The following EPHA3 variants were observed in gnomAD, a reference collection of about 807,000 sequenced individuals.
The protein encoded by EPHA3 is ephrin type-A receptor 3.
In EPHA3, 42 loss-of-function variants were observed where a neutral mutation model predicts 107.1. The ratio of observed to expected loss-of-function variants is 0.39; its 90% CI spans 0.31 to 0.51. The LOEUF is 0.51. EPHA3 is among the 20% of genes least tolerant of loss of function. The pLI is 0.78. For synonymous variants in EPHA3, 461 were observed against 424.8 expected (o/e 1.09, Z -1.05); for missense variants, 1,183 against 1,211.2 (o/e 0.98, Z 0.35).
chr3:89,237,593 G>A (rs1346218643), intron 3 of EPHA3, among the ~76,000 whole-genome samples: 1 of 152,140 alleles, frequency 6.6e-6, no homozygotes, highest in African/African-American at 2.4e-5. Context: ...GGTGGTGGAT[G>A]TGTACTGTTG....
At chr3:89,446,826 C>G (rs905838201) in intron 13 of EPHA3, among the ~76,000 whole-genome samples, 1 of 151,690 alleles carries the variant, frequency 6.6e-6, no homozygotes, top group Admixed American at 6.6e-5. Flanking sequence ...TATACTTATA[C>G]GCTTTCAGTA....
At chr3:89,116,760 A>G (rs1409287545) in intron 1 of EPHA3, among the ~76,000 whole-genome samples, 1 of 151,564 alleles carries the variant, frequency 6.6e-6, no homozygotes, top group African/African-American at 2.4e-5. Flanking sequence ...GTGGTTAACC[A>G]AAGAGTTAGC....
intron 11 of EPHA3, among the ~76,000 whole-genome samples, chr3:89,428,692 G>A (rs1709504327): frequency 6.6e-6 from 1 of 152,108 alleles, no homozygotes; most frequent in Non-Finnish European, 1.5e-5. Context: ...ACGTATATAT[G>A]TGTGTGTGCA....
intron 2 of EPHA3, among the ~76,000 whole-genome samples, chr3:89,128,776 A>G (rs1326316089): frequency 2.0e-5 from 3 of 151,680 alleles, no homozygotes; most frequent in Non-Finnish European, 2.9e-5. Flanking sequence ...TAAAACAAGA[A>G]ATCATCTTAT....
chr3:89,209,997 G>A lies in EPHA3; in HGVS notation c.291G>A (p.Val97=), dbSNP rs558029690. The change falls in exon 3 of 17, where the codon GTG becomes GTA. Residue 97 remains valine (V), a synonymous_variant. Transcript: ENST00000336596. ...VPRNSAQKIY[V]ELKFTLRDCN... is the part of the protein sequence containing the mutation. The stretch of plus-strand genomic sequence containing the variant: ...GGAACTCAGCTCAGAAGATTTATGT[G>A]GAGCTCAAGTTCACTCTACGAGACT... 9.3e-6 allele frequency: 15 copies of A among 1,613,938 alleles called. No homozygotes were observed. The African/African-American group carries it at 2.0e-4, about 22-fold the overall frequency.
chr3:89,249,657 C>T (rs1363055655), intron 3 of EPHA3, among the ~76,000 whole-genome samples: 1 of 151,978 alleles, frequency 6.6e-6, no homozygotes, highest in African/African-American at 2.4e-5. Context: ...GACGAGGTTT[C>T]ACCACATTGC....
At chr3:89,281,825 A>G (rs1438233873) in intron 3 of EPHA3, among the ~76,000 whole-genome samples, 1 of 152,114 alleles carries the variant, frequency 6.6e-6, no homozygotes, top group Non-Finnish European at 1.5e-5. Context: ...CACACTAAAC[A>G]TCTCTCTCGA....
chr3:89,459,588 C>T (rs574628871), intron 15 of EPHA3, among the ~76,000 whole-genome samples: 40 of 151,810 alleles, frequency 2.6e-4, no homozygotes, highest in African/African-American at 8.9e-4. Flanking sequence ...CCCGGGCTGG[C>T]ATGCAATGGT....
intron 2 of EPHA3, among the ~76,000 whole-genome samples, chr3:89,178,052 G>T (rs1705357156): frequency 1.3e-5 from 2 of 152,018 alleles, no homozygotes; most frequent in African/African-American, 2.4e-5. Flanking sequence ...ATATCTATTT[G>T]TACATTTACA....
intron 2 of EPHA3, among the ~76,000 whole-genome samples, chr3:89,198,549 G>A (rs1352715247): frequency 5.9e-5 from 9 of 152,140 alleles, no homozygotes; most frequent in Non-Finnish European, 1.3e-4. Context: ...CTACCCTTGT[G>A]AAGAGAACAG....
chr3:89,285,212 G>A (rs34986288), intron 3 of EPHA3, among the ~76,000 whole-genome samples: 25,871 of 152,114 alleles, frequency 0.17, 2,161 homozygotes, highest in Middle Eastern at 0.26. Context: ...CATTACATCT[G>A]CCTAGAATAG....
intron 3 of EPHA3, among the ~76,000 whole-genome samples, chr3:89,276,775 A>T (rs1705816734): frequency 6.6e-6 from 1 of 152,106 alleles, no homozygotes; most frequent in Non-Finnish European, 1.5e-5. Context: ...ACAGGAAATT[A>T]AGTGTTTTTC....
chr3:89,448,445 C>T (rs1235816233), intron 13 of EPHA3, among the ~76,000 whole-genome samples: 1 of 152,094 alleles, frequency 6.6e-6, no homozygotes, highest in African/African-American at 2.4e-5. Flanking sequence ...CATAATACTT[C>T]CTATATGGTT....
chr3:89,111,492 A>G (rs1707106612), intron 1 of EPHA3, among the ~76,000 whole-genome samples: 1 of 150,628 alleles, frequency 6.6e-6, no homozygotes, highest in East Asian at 2.0e-4. Flanking sequence ...AGCTCTCCTA[A>G]TAGCTCACCC....
intron 15 of EPHA3, among the ~76,000 whole-genome samples, chr3:89,467,524 T>C (rs1384356102): frequency 6.6e-6 from 1 of 152,216 alleles, no homozygotes; most frequent in East Asian, 1.9e-4. Flanking sequence ...AATGGATAAC[T>C]AGAGATTCAG....
chr3:89,391,418 TTTC>T lies in EPHA3; in HGVS notation c.1307-4416_1307-4414del, dbSNP rs1264552669. Among the ~76,000 whole-genome samples the T allele has an allele frequency of 2.2e-4, 32 of 144,584 alleles. 1 individual carries two copies. Among genetic ancestry groups the T allele is most frequent in the African/African-American group, 8.7e-4 (32 of 36,980 alleles). 94.9% of individuals were successfully genotyped at this position (144,584 alleles called of 152,430 possible). A position where few individuals can be genotyped will look rare whatever the true frequency, so the allele number is the denominator to read the frequency against. On this transcript the variant is annotated intron_variant, in intron 5 of 16. Transcript: ENST00000336596. The stretch of plus-strand genomic sequence containing the variant: ...TTTTCTTTTCTTTTCTTTTCTTTCT[TTTC>T]TTTTTTTTTTTTTTTTTGAGATGGA...
chr3:89,354,304 T>C (rs188481064), intron 5 of EPHA3, among the ~76,000 whole-genome samples: 2 of 151,314 alleles, frequency 1.3e-5, no homozygotes, highest in Admixed American at 6.6e-5. Context: ...AAAGAAAATG[T>C]TCTGTTTCCA....
chr3:89,392,828 C>T (rs1445778215), intron 5 of EPHA3, among the ~76,000 whole-genome samples: 1 of 151,976 alleles, frequency 6.6e-6, no homozygotes, highest in Non-Finnish European at 1.5e-5. Context: ...ATCACTTTCT[C>T]ATTAATATTC....
rs545131685 is a variant in EPHA3 at position 89,398,984 on chromosome 3, C to T, written c.1432-334C>T. 3.4e-3 allele frequency among the ~76,000 whole-genome samples: 523 copies of T among 151,926 alleles called. 2 individuals are homozygous for T. Among genetic ancestry groups the T allele is most frequent in the African/African-American group, 0.012 (483 of 41,456 alleles). Reference sequence around the variant, plus strand: ...GTCTCTACTAAAAATACAAAAATTACCTGGGAGTGATGGCGTGCACCTGTA... The same window carrying T: ...GTCTCTACTAAAAATACAAAAATTATCTGGGAGTGATGGCGTGCACCTGTA... On this transcript the variant is annotated intron_variant, in intron 6 of 16. Transcript: ENST00000336596.
Sources: gnomAD v4.1 joint callset for allele counts (sites outside exome capture counted in the v4.1 genomes callset) on GRCh38, gnomAD v4.1.1 for gene constraint, MANE v1.5 for transcripts, NCBI Gene and HGNC (gene_info 2026-07-23, HGNC 2026-07-21) for gene names.